ZNF407: variants seen among roughly 807,000 people sequenced by gnomAD.
ZNF407 encodes zinc finger protein 407.
Under a neutral mutation model 131.2 loss-of-function variants are expected in ZNF407, and 17 were observed. That is an observed-to-expected ratio of 0.13 (90% confidence interval 0.09 to 0.19). The LOEUF (loss-of-function observed/expected upper bound fraction) is 0.19. ZNF407 is among the 10% of genes least tolerant of loss of function. The probability of loss-of-function intolerance (pLI) is 1.00; values close to 1 mark genes in which losing one functional copy is unlikely to be tolerated. For missense variants in ZNF407, 2,681 were observed against 2,830.6 expected (o/e 0.95, Z 1.20); for synonymous variants, 1,156 against 1,062.0 (o/e 1.09, Z -1.72).
Position 74,871,201 on chromosome 18 carries a change from A to G in ZNF407, c.4878-5996A>G, listed in dbSNP as rs147737727. On this transcript the variant is annotated intron_variant, in intron 4 of 8. Transcript: ENST00000299687. ...GTGCCTTCTGTGTGCTGCATTCTTC[A>G]CAGAAGTGATTGTTTTCAGATACAG... Among the ~76,000 whole-genome samples the G allele has an allele frequency of 5.3e-3, 807 of 152,284 alleles. 3 individuals are homozygous for G. The highest frequency in any genetic ancestry group is 8.8e-3 in the Non-Finnish European group (598 of 68,030).
chr18:74,767,716 C>T (rs903892148), intron 3 of ZNF407, among the ~76,000 whole-genome samples: 1 of 134,158 alleles, frequency 7.5e-6, no homozygotes, highest in Non-Finnish European at 1.5e-5. Flanking sequence ...TGCAGTGGTG[C>T]GATTTCGGCT....
chr18:74,639,393 T>C (rs1392301487), intron 2 of ZNF407, among the ~76,000 whole-genome samples: 1 of 152,210 alleles, frequency 6.6e-6, no homozygotes, highest in Non-Finnish European at 1.5e-5. Context: ...CTTTGGAGCA[T>C]TGAAATTTAA....
rs575873850 is a variant in ZNF407 at position 74,980,843 on chromosome 18, C to T, written c.5428+60151C>T. On this transcript the variant is annotated intron_variant, in intron 8 of 8. Transcript: ENST00000299687. The stretch of plus-strand genomic sequence containing the variant: ...GAAAGAAAGGGAGCACCAGTCCTGC[C>T]ATCACCGGCTCCGCTGCGGCCACTT... Among the ~76,000 whole-genome samples, 3 of 152,286 alleles carry T rather than the reference C, an allele frequency of 2.0e-5. No homozygotes were observed. In the South Asian group the frequency reaches 6.2e-4, roughly 32 times the overall value.
chr18:74,706,490 C>T (rs1032137223), intron 3 of ZNF407, among the ~76,000 whole-genome samples: 16 of 152,090 alleles, frequency 1.1e-4, no homozygotes, highest in South Asian at 6.2e-4. Flanking sequence ...GATGCTCATT[C>T]GTTTGTTGTT....
chr18:74,710,080 A>G (rs933217030), intron 3 of ZNF407, among the ~76,000 whole-genome samples: 2 of 152,196 alleles, frequency 1.3e-5, no homozygotes, highest in African/African-American at 4.8e-5. Flanking sequence ...GTCACTTTCG[A>G]TACATTTTAG....
rs1969746782 is a variant in ZNF407, at chr18:74,787,737, C to G, written c.4877+6235C>G. Among the ~76,000 whole-genome samples the G allele has an allele frequency of 2.0e-5, 3 of 152,182 alleles. No homozygotes were observed. In the South Asian group the frequency reaches 6.2e-4, roughly 32 times the overall value. On this transcript the variant is annotated intron_variant, in intron 4 of 8. Coordinates refer to ENST00000299687, the MANE Select transcript of ZNF407 (RefSeq NM_017757.3). ...TTTCAGTTTTAGCTTTCAGTTATTT[C>G]CATTGCTAGAGAACTGCTTTTCTTC...
intron 3 of ZNF407, among the ~76,000 whole-genome samples, chr18:74,711,461 G>A (rs1291147031): frequency 3.3e-5 from 5 of 152,146 alleles, no homozygotes; most frequent in African/African-American, 4.8e-5. Flanking sequence ...ACTTGATTCC[G>A]CATAGCTGGT....
At chr18:74,828,318 G>T (rs972226730) in intron 4 of ZNF407, among the ~76,000 whole-genome samples, 1 of 152,154 alleles carries the variant, frequency 6.6e-6, no homozygotes, top group African/African-American at 2.4e-5. Context: ...CTTCAGTGGG[G>T]CCTCAACAAG....
intron 4 of ZNF407, among the ~76,000 whole-genome samples, chr18:74,797,505 A>G (rs1969942035): frequency 6.6e-6 from 1 of 152,188 alleles, no homozygotes; most frequent in Admixed American, 6.5e-5. Context: ...AAAATCTTAT[A>G]ATGTGACACA....
In ZNF407 at chr18:74,633,942, C is replaced by A; in HGVS notation, c.2923C>A (p.His975Asn). 1.2e-6 allele frequency: 2 copies of A among 1,613,988 alleles called. No individual in the cohort carries two copies. The highest frequency in any genetic ancestry group is 2.2e-5 in the South Asian group (2 of 91,076). The part of the protein sequence containing the change: ...SIEAEVENVF[H>N]SLDGEVNSHL... The stretch of plus-strand genomic sequence containing the variant: ...TGAAGCTGAAGTTGAAAATGTATTT[C>A]ATTCTCTAGATGGAGAAGTTAACAG... The change falls in exon 2 of 9, where the codon CAT becomes AAT. Residue 975 changes from histidine to asparagine, a missense_variant. His to Asn is a moderately conservative substitution (Grantham distance 68, BLOSUM62 1). Around this residue, in one of 6 missense-constraint regions of ZNF407, gnomAD observed 1,789 missense variants for 1,748.7 expected, o/e 1.02. Coordinates refer to ENST00000299687, the MANE Select transcript of ZNF407 (RefSeq NM_017757.3).
At chr18:74,673,618 C>T (rs916125137) in intron 3 of ZNF407, among the ~76,000 whole-genome samples, 1 of 152,172 alleles carries the variant, frequency 6.6e-6, no homozygotes, top group South Asian at 2.1e-4. Context: ...CATTGTACTG[C>T]CTCCCACAGA....
Position 74,853,562 on chromosome 18 carries a change from G to T in ZNF407, c.4878-23635G>T, listed in dbSNP as rs183724907. ...TTATTCTTTTTCATAAAGTTTTAAA[G>T]AATTTAATATGCCTGTGATCTTAAC... On this transcript the variant is annotated intron_variant, in intron 4 of 8. Transcript: ENST00000299687. Among the ~76,000 whole-genome samples, 6 of 152,228 alleles carry T rather than the reference G, an allele frequency of 3.9e-5. No homozygotes were observed. The East Asian group carries it at 7.7e-4, about 20-fold the overall frequency.
At chr18:74,906,579 T>G (rs1010751050) in intron 7 of ZNF407, among the ~76,000 whole-genome samples, 1 of 152,224 alleles carries the variant, frequency 6.6e-6, no homozygotes, top group African/African-American at 2.4e-5. Context: ...AAAACAAAAG[T>G]TTCCTTGGAC....
intron 8 of ZNF407, among the ~76,000 whole-genome samples, chr18:74,935,222 A>G (rs765615828): frequency 6.6e-6 from 1 of 152,230 alleles, no homozygotes; most frequent in Admixed American, 6.5e-5. Flanking sequence ...TAGTATTAGA[A>G]GTTGACTTCA....
chr18:74,896,381 C>G lies in ZNF407; in HGVS notation c.5249+6343C>G, dbSNP rs570298115. The stretch of plus-strand genomic sequence containing the variant: ...CAATCTAGTCGATGGAATAAAAATA[C>G]AAATGTCCCAGGCTGAAAGATTACT... On this transcript the variant is annotated intron_variant, in intron 7 of 8. Transcript: ENST00000299687. Among the ~76,000 whole-genome samples, 7 of 152,256 alleles carry G rather than the reference C, an allele frequency of 4.6e-5. No homozygotes were observed. The South Asian group carries it at 1.2e-3, about 27-fold the overall frequency.
intron 3 of ZNF407, among the ~76,000 whole-genome samples, chr18:74,647,523 A>G (rs1410007850): frequency 6.6e-6 from 1 of 151,960 alleles, no homozygotes; most frequent in Non-Finnish European, 1.5e-5. Flanking sequence ...GTGGGTAGCC[A>G]TTCTCCTGAT....
At chr18:74,709,543 A>G (rs1021230395) in intron 3 of ZNF407, among the ~76,000 whole-genome samples, 1 of 152,212 alleles carries the variant, frequency 6.6e-6, no homozygotes, top group Non-Finnish European at 1.5e-5. Context: ...TATGAGTAGG[A>G]ACATTTATCC....
At chr18:74,939,992 C>G (rs901954924) in intron 8 of ZNF407, among the ~76,000 whole-genome samples, 1 of 152,156 alleles carries the variant, frequency 6.6e-6, no homozygotes, top group African/African-American at 2.4e-5. Context: ...AAAAACCTTT[C>G]TTGGTCATGG....
At chr18:75,013,253 A>G (rs549190202) in intron 8 of ZNF407, among the ~76,000 whole-genome samples, 1 of 152,214 alleles carries the variant, frequency 6.6e-6, no homozygotes, top group East Asian at 1.9e-4. Flanking sequence ...CATTCAAGTA[A>G]AGGTTTGAGA....
Sources: gnomAD v4.1 joint callset for allele counts (sites outside exome capture counted in the v4.1 genomes callset) on GRCh38, gnomAD v4.1.1 for gene constraint, gnomAD v4.1.1 regional missense constraint, MANE v1.5 for transcripts, NCBI Gene and HGNC (gene_info 2026-07-23, HGNC 2026-07-21) for gene names.